The following DTNB variants were observed in gnomAD, a reference collection of about 807,000 sequenced individuals.
DTNB encodes DTN-B.
In DTNB, 63 loss-of-function variants were observed where a neutral mutation model predicts 90.7. The observed-to-expected ratio is 0.69, with a 90% confidence interval of 0.57 to 0.86. The LOEUF is 0.86. Ranked by LOEUF, DTNB falls within the 40% of genes least tolerant of loss-of-function variation. The pLI is 0.00. For synonymous variants in DTNB, 277 were observed against 286.7 expected (o/e 0.97, Z 0.34); for missense variants, 744 against 807.1 (o/e 0.92, Z 0.95).
intron 3 of DTNB, among the ~76,000 whole-genome samples, chr2:25,634,498 T>G (rs1252883332): frequency 7.2e-6 from 1 of 138,010 alleles, no homozygotes; most frequent in African/African-American, 2.8e-5. Flanking sequence ...TCTGCCCGGC[T>G]GCCCCTACTG....
intron 9 of DTNB, among the ~76,000 whole-genome samples, chr2:25,491,633 A>T (rs1218751288): frequency 6.6e-6 from 1 of 151,352 alleles, no homozygotes; most frequent in African/African-American, 2.4e-5. Flanking sequence ...GCGATAGCAG[A>T]CTCTTTTTCC....
chr2:25,577,415 C>T (rs1319307062), intron 7 of DTNB, among the ~76,000 whole-genome samples: 2 of 151,340 alleles, frequency 1.3e-5, no homozygotes, highest in South Asian at 2.1e-4. Flanking sequence ...CCAGCCTGGG[C>T]GACAGAGCAA....
At chr2:25,477,097 C>A (rs1368059478) in intron 10 of DTNB, among the ~76,000 whole-genome samples, 1 of 152,220 alleles carries the variant, frequency 6.6e-6, no homozygotes, top group Non-Finnish European at 1.5e-5. Flanking sequence ...AGCAAAAAGA[C>A]TAGAACTTGC....
intron 8 of DTNB, among the ~76,000 whole-genome samples, chr2:25,541,366 C>T (rs2081218807): frequency 6.6e-6 from 1 of 151,986 alleles, no homozygotes; most frequent in Non-Finnish European, 1.5e-5. Context: ...CCTGTAATCC[C>T]AGCTACTTGG....
intron 8 of DTNB, among the ~76,000 whole-genome samples, chr2:25,550,389 T>TCAAAAA (rs902952432): frequency 3.3e-5 from 5 of 152,102 alleles, no homozygotes; most frequent in Admixed American, 6.5e-5. Context: ...AGACTCTGTC[T>TCAAAAA]CAAAAACAAA....
intron 10 of DTNB, among the ~76,000 whole-genome samples, chr2:25,476,036 C>T (rs1459658342): frequency 1.3e-5 from 2 of 151,864 alleles, no homozygotes; most frequent in Admixed American, 6.6e-5. Context: ...AACACAACAT[C>T]CATCCTGCAG....
intron 1 of DTNB, among the ~76,000 whole-genome samples, chr2:25,672,202 GCAA>G (rs1352134118): frequency 5.8e-4 from 11 of 18,968 alleles, no homozygotes; most frequent in African/African-American, 2.8e-3. Flanking sequence ...GCCTCGCATA[GCAA>G]AAAAAAAAAA....
rs556158786 is a variant in DTNB at position 25,520,289 on chromosome 2, T to C, written c.1001+11184A>G. Among the ~76,000 whole-genome samples, 16 of 152,292 alleles carry C rather than the reference T, an allele frequency of 1.1e-4. No homozygotes were observed. In the East Asian group the frequency reaches 2.9e-3, roughly 28 times the overall value. On this transcript the variant is annotated intron_variant, in intron 9 of 20. Coordinates refer to ENST00000406818, the MANE Select transcript of DTNB (RefSeq NM_021907.5). ...TGGGTGACTGAGGCAGGAGAACTGT[T>C]TGAATCCGGGAGGTGGAAGTTGCAG...
At chr2:25,499,952 C>G (rs1171704997) in intron 9 of DTNB, among the ~76,000 whole-genome samples, 1 of 152,158 alleles carries the variant, frequency 6.6e-6, no homozygotes, top group African/African-American at 2.4e-5. Context: ...CTGGAGTACG[C>G]TGGCATGATT....
intron 10 of DTNB, among the ~76,000 whole-genome samples, chr2:25,465,792 T>C (rs1440449595): frequency 6.6e-6 from 1 of 152,190 alleles, no homozygotes; most frequent in Non-Finnish European, 1.5e-5. Context: ...ATCTAAAACC[T>C]GAAACTCTCT....
intron 7 of DTNB, among the ~76,000 whole-genome samples, chr2:25,577,730 T>A (rs768884555): frequency 6.6e-6 from 1 of 151,922 alleles, no homozygotes; most frequent in Non-Finnish European, 1.5e-5. Context: ...AGGCCAGGCA[T>A]GGTGGCTCAC....
At chr2:25,579,939 A>G (rs1198805417) in intron 7 of DTNB, among the ~76,000 whole-genome samples, 1 of 151,104 alleles carries the variant, frequency 6.6e-6, no homozygotes, top group African/African-American at 2.4e-5. Flanking sequence ...CTATAGCTGA[A>G]GTTGTATGAT....
intron 3 of DTNB, 52 bp from the exon 4 acceptor site, chr2:25,628,436 C>T: frequency 4.0e-6 from 6 of 1,514,956 alleles, no homozygotes; most frequent in Non-Finnish European, 5.4e-6. Context: ...TGGTACTACC[C>T]TTCACAATAG....
chr2:25,672,203 CAAAAAAAAAAAA>C (rs5829985), intron 1 of DTNB, among the ~76,000 whole-genome samples: 453 of 42,472 alleles, frequency 0.011, 6 homozygotes, highest in East Asian at 0.049. Flanking sequence ...CCTCGCATAG[CAAAAAAAAAAAA>C]AAAAAAAAAA....
chr2:25,657,046 C>T (rs1004000326), intron 1 of DTNB, among the ~76,000 whole-genome samples: 3 of 152,242 alleles, frequency 2.0e-5, no homozygotes, highest in Admixed American at 6.5e-5. Context: ...TGTGGTGGTG[C>T]ATGCCTGTAA....
intron 1 of DTNB, among the ~76,000 whole-genome samples, chr2:25,655,739 A>G (rs927600677): frequency 3.2e-4 from 48 of 152,300 alleles, no homozygotes; most frequent in African/African-American, 1.0e-3. Flanking sequence ...GAGAGTCTGT[A>G]TATCCCCTAT....
chr2:25,580,793 T>A lies in DTNB; in HGVS notation c.637A>T (p.Met213Leu), dbSNP rs373211002. 14 of 1,613,360 alleles carry A rather than the reference T, an allele frequency of 8.7e-6. No homozygotes were observed. The African/African-American group carries it at 1.9e-4, about 22-fold the overall frequency. ...CACTGGGGAGGAGGGTCAGCCATCA[T>A]TGTGTCTAAAAACATATTTAGCATT... Reference protein sequence around the residue: ...KIMLNMFLDTMMADPPPQCLV... With the variant: ...KIMLNMFLDTLMADPPPQCLV... The change falls in exon 7 of 21, where the codon ATG becomes TTG. Residue 213 changes from methionine to leucine, a missense_variant. Transcript: ENST00000406818.
At chr2:25,625,551 A>ATTTTTTTTTTT (rs66586812) in intron 4 of DTNB, among the ~76,000 whole-genome samples, 127 of 73,882 alleles carry the variant, frequency 1.7e-3, no homozygotes, top group Middle Eastern at 8.1e-3. Context: ...TAACTCACTC[A>ATTTTTTTTTTT]TTTTTTTTTT....
chr2:25,523,411 A>G (rs111632890), intron 9 of DTNB, among the ~76,000 whole-genome samples: 1 of 152,306 alleles, frequency 6.6e-6, no homozygotes, highest in African/African-American at 2.4e-5. Context: ...TGGCCAAGGC[A>G]GGCAGATTGC....
Sources: gnomAD v4.1 joint callset for allele counts (sites outside exome capture counted in the v4.1 genomes callset) on GRCh38, gnomAD v4.1.1 for gene constraint, MANE v1.5 for transcripts, NCBI Gene and HGNC (gene_info 2026-07-23, HGNC 2026-07-21) for gene names.